Variants in TRPM3 observed in about 807,000 individuals in gnomAD.
The protein encoded by TRPM3 is transient receptor potential cation channel subfamily M member 3.
TRPM3 carries 77 observed loss-of-function variants against 181.2 expected under a neutral mutation model. That is an observed-to-expected ratio of 0.42 (90% CI 0.35 to 0.51). The LOEUF is 0.51. Among genes scored for constraint, TRPM3 ranks in the 20% least tolerant of loss-of-function variants. The pLI is 0.01. For synonymous variants in TRPM3, 745 were observed against 796.4 expected (o/e 0.94, Z 1.09); for missense variants, 1,759 against 2,196.7 (o/e 0.80, Z 3.98).
chr9:70,950,886 G>A (rs943971483), intron 1 of TRPM3, among the ~76,000 whole-genome samples: 1 of 152,050 alleles, frequency 6.6e-6, no homozygotes, highest in Non-Finnish European at 1.5e-5. Flanking sequence ...AACTTAGCTT[G>A]TGGGAAACCC....
intron 22 of TRPM3, among the ~76,000 whole-genome samples, chr9:70,555,904 A>G (rs775091842): frequency 6.6e-6 from 1 of 152,210 alleles, no homozygotes. Context: ...GAGAACTTAC[A>G]TGATTTTTAC....
chr9:71,171,025 A>C (rs1274246653), intron 1 of TRPM3, among the ~76,000 whole-genome samples: 2 of 124,438 alleles, frequency 1.6e-5, no homozygotes, highest in Admixed American at 8.5e-5. Flanking sequence ...ATAGGCTTAT[A>C]AACAGCCCCC....
At chr9:70,878,100 T>A (rs2095904777) in intron 1 of TRPM3, among the ~76,000 whole-genome samples, 1 of 152,126 alleles carries the variant, frequency 6.6e-6, no homozygotes, top group Non-Finnish European at 1.5e-5. Flanking sequence ...TGTGTATGTA[T>A]CTTATCCCAC....
At chr9:70,765,085 A>C (rs1482296475) in intron 7 of TRPM3, among the ~76,000 whole-genome samples, 1 of 152,164 alleles carries the variant, frequency 6.6e-6, no homozygotes, top group Non-Finnish European at 1.5e-5. Flanking sequence ...AGAAGAGAAA[A>C]CTATGCCCTA....
chr9:70,816,383 C>T (rs939767558), intron 6 of TRPM3, among the ~76,000 whole-genome samples: 1 of 152,148 alleles, frequency 6.6e-6, no homozygotes, highest in Non-Finnish European at 1.5e-5. Context: ...CCTTTAAATC[C>T]CTCACAAACC....
chr9:71,315,315 T>C lies in TRPM3; in HGVS notation c.183+131338A>G, dbSNP rs78601833. On this transcript the variant is annotated intron_variant, in intron 1 of 24. Coordinates refer to the TRPM3 transcript ENST00000357533. ...ACATTCACACATGAACTTTTAGAAA[T>C]ACACCAAGTGATTCTATTGCATAAT... 5.3e-3 allele frequency among the ~76,000 whole-genome samples: 803 copies of C among 152,282 alleles called. 25 individuals are homozygous for C. The South Asian group carries it at 0.074, about 14-fold the overall frequency.
intron 1 of TRPM3, among the ~76,000 whole-genome samples, chr9:71,352,857 A>C (rs1233730974): frequency 6.6e-6 from 1 of 151,818 alleles, no homozygotes; most frequent in Non-Finnish European, 1.5e-5. Flanking sequence ...TTCATATTTA[A>C]CTCAGCTCTT....
At chr9:70,652,389 A>G (rs2059708976) in intron 9 of TRPM3, among the ~76,000 whole-genome samples, 1 of 152,282 alleles carries the variant, frequency 6.6e-6, no homozygotes, top group East Asian at 1.9e-4. Context: ...AGAGTTATTC[A>G]TGTAGACGTG....
At chr9:70,570,306 T>G (rs1313715879) in intron 22 of TRPM3, among the ~76,000 whole-genome samples, 2 of 86,092 alleles carry the variant, frequency 2.3e-5, no homozygotes, top group Admixed American at 1.4e-4. Context: ...ACTAGAGTTT[T>G]TTTTTTTTTT....
chr9:70,788,334 A>G (rs1431442504), intron 6 of TRPM3, among the ~76,000 whole-genome samples: 1 of 151,808 alleles, frequency 6.6e-6, no homozygotes, highest in Non-Finnish European at 1.5e-5. Context: ...AATTAAGCAC[A>G]TTGATACATC....
chr9:70,608,240 G>A (rs1417721822), intron 19 of TRPM3, among the ~76,000 whole-genome samples: 2 of 152,138 alleles, frequency 1.3e-5, no homozygotes, highest in South Asian at 2.1e-4. Context: ...TTCACGAATC[G>A]TTCATTTGCT....
rs766632951 is a variant in TRPM3 at position 70,536,263 on chromosome 9, C to A, written c.4850G>T (p.Arg1617Leu). 3.7e-6 allele frequency: 6 copies of A among 1,614,090 alleles called. No individual in the cohort carries two copies. Among genetic ancestry groups the A allele is most frequent in the Non-Finnish European group, 3.4e-6 (4 of 1,180,050 alleles). ...GGAGGATATTGCAATGGTGGCTCTG[C>A]GGCCTTTGGCCTCATTCTCCTCACT... ...SDSEENEAKGRRATIAISSQE... is the reference protein window; with the variant it reads ...SDSEENEAKGLRATIAISSQE... The change falls in exon 26 of 26, where the codon CGC becomes CTC. Residue 1617 changes from arginine to leucine, a missense_variant. By Grantham distance (102) the Arg-to-Leu change is moderately radical. Transcript: ENST00000677713.
intron 1 of TRPM3, among the ~76,000 whole-genome samples, chr9:71,243,728 A>G (rs919207789): frequency 6.6e-6 from 1 of 152,228 alleles, no homozygotes; most frequent in African/African-American, 2.4e-5. Flanking sequence ...TAGCCTAATT[A>G]ACCTACACTG....
At chr9:70,691,069 C>T (rs1207684969) in intron 8 of TRPM3, among the ~76,000 whole-genome samples, 1 of 152,156 alleles carries the variant, frequency 6.6e-6, no homozygotes, top group Non-Finnish European at 1.5e-5. Flanking sequence ...ACACCTGGAA[C>T]TGAGCAAACA....
intron 1 of TRPM3, among the ~76,000 whole-genome samples, chr9:71,017,785 G>T (rs148662101): frequency 2.6e-5 from 4 of 151,578 alleles, no homozygotes; most frequent in African/African-American, 9.7e-5. Context: ...GATAGAATAC[G>T]CAGGAAAAAT....
intron 6 of TRPM3, among the ~76,000 whole-genome samples, chr9:70,807,270 G>C (rs1246768783): frequency 6.6e-6 from 1 of 152,144 alleles, no homozygotes; most frequent in Non-Finnish European, 1.5e-5. Flanking sequence ...TGCACTGGCT[G>C]CTGTAAAATA....
chr9:70,618,833 T>TC, intron 17 of TRPM3, 34 bp downstream of exon 17: 1 of 1,587,488 alleles, frequency 6.3e-7, no homozygotes. Context: ...CCGCCGGTCC[T>TC]CATAGCCAGG....
chr9:71,214,274 C>T (rs1213247240), intron 1 of TRPM3, among the ~76,000 whole-genome samples: 3 of 152,076 alleles, frequency 2.0e-5, no homozygotes, highest in African/African-American at 4.8e-5. Flanking sequence ...ATATAAATCA[C>T]AGTTTAATAT....
intron 1 of TRPM3, among the ~76,000 whole-genome samples, chr9:71,060,659 A>T (rs2061225436): frequency 6.6e-6 from 1 of 152,124 alleles, no homozygotes; most frequent in Admixed American, 6.6e-5. Flanking sequence ...CATGTGTCCT[A>T]ATCATCTGTT....
Sources: gnomAD v4.1 joint callset for allele counts (sites outside exome capture counted in the v4.1 genomes callset) on GRCh38, gnomAD v4.1.1 for gene constraint, MANE v1.5 for transcripts, NCBI Gene and HGNC (gene_info 2026-07-23, HGNC 2026-07-21) for gene names.